The following KCNIP1 variants were observed in gnomAD, a reference collection of about 807,000 sequenced individuals.
The protein encoded by KCNIP1 is potassium voltage-gated channel interacting protein 1.
KCNIP1 carries 18 observed loss-of-function variants against 33.0 expected under a neutral mutation model. The observed-to-expected ratio is 0.55, with a 90% confidence interval of 0.38 to 0.81. KCNIP1 has a LOEUF of 0.81. Ranked by LOEUF, KCNIP1 falls within the 30% of genes least tolerant of loss-of-function variation. The pLI is 0.00. For missense variants in KCNIP1, 238 were observed against 271.6 expected, an observed-to-expected ratio of 0.88 and a Z score of 0.87; for synonymous variants, 93 against 98.3, an observed-to-expected ratio of 0.95 and a Z score of 0.32.
intron 1 of KCNIP1, among the ~76,000 whole-genome samples, chr5:170,481,797 A>C (rs1006963674): frequency 8.5e-5 from 13 of 152,188 alleles, no homozygotes; most frequent in Non-Finnish European, 1.9e-4. Flanking sequence ...GAATGACCCC[A>C]CCCATGCTTT....
intron 1 of KCNIP1, chr5:170,639,673 C>G (rs1760457691): frequency 6.6e-6 from 1 of 152,324 alleles, no homozygotes; most frequent in African/African-American, 2.4e-5. Context: ...TCCCACGTCC[C>G]CGTGGCCCTT....
chr5:170,476,576 C>G (rs539680265), intron 1 of KCNIP1, among the ~76,000 whole-genome samples: 1 of 152,204 alleles, frequency 6.6e-6, no homozygotes, highest in South Asian at 2.1e-4. Flanking sequence ...GACAATTTGT[C>G]TTGAATTTTG....
chr5:170,667,052 G>A (rs1441064896), intron 1 of KCNIP1, among the ~76,000 whole-genome samples: 1 of 152,152 alleles, frequency 6.6e-6, no homozygotes, highest in African/African-American at 2.4e-5. Context: ...GGTGGCTCAC[G>A]CCTATAATCC....
At chr5:170,355,842 T>C (rs995295912) in intron 1 of KCNIP1, among the ~76,000 whole-genome samples, 3 of 152,230 alleles carry the variant, frequency 2.0e-5, no homozygotes, top group Admixed American at 2.0e-4. Flanking sequence ...ACTGCTTCAG[T>C]ACAGCCTTTC....
intron 1 of KCNIP1, among the ~76,000 whole-genome samples, chr5:170,413,689 G>A (rs1755254676): frequency 6.6e-6 from 1 of 152,084 alleles, no homozygotes; most frequent in Admixed American, 6.5e-5. Flanking sequence ...TCTCCTGACT[G>A]CGTCCTTGGC....
At chr5:170,629,630 G>A (rs1759974263) in intron 1 of KCNIP1, among the ~76,000 whole-genome samples, 1 of 152,156 alleles carries the variant, frequency 6.6e-6, no homozygotes, top group Admixed American at 6.5e-5. Context: ...TCCCTCCCTA[G>A]AAAGTCTGCC....
chr5:170,667,559 C>A (rs1455504981), intron 1 of KCNIP1, among the ~76,000 whole-genome samples: 1 of 152,174 alleles, frequency 6.6e-6, no homozygotes, highest in Admixed American at 6.5e-5. Flanking sequence ...GAGAAGTTTC[C>A]TGGGGCTCTA....
intron 1 of KCNIP1, among the ~76,000 whole-genome samples, chr5:170,623,933 T>G (rs529718874): frequency 6.6e-6 from 1 of 152,264 alleles, no homozygotes; most frequent in East Asian, 1.9e-4. Context: ...AGGCCCAGCC[T>G]TCACTCCACG....
intron 1 of KCNIP1, among the ~76,000 whole-genome samples, chr5:170,446,500 T>C (rs908788898): frequency 1.3e-5 from 2 of 152,192 alleles, no homozygotes; most frequent in Non-Finnish European, 2.9e-5. Context: ...TCTTGCTCTG[T>C]TGCCCAGGCT....
chr5:170,461,532 CAA>C (rs1756500907), intron 1 of KCNIP1, among the ~76,000 whole-genome samples: 1 of 152,102 alleles, frequency 6.6e-6, no homozygotes, highest in African/African-American at 2.4e-5. Flanking sequence ...AGGCGGATCA[CAA>C]AGTCAGGAGA....
chr5:170,596,156 CA>C (rs1207611185), intron 1 of KCNIP1, among the ~76,000 whole-genome samples: 3 of 152,206 alleles, frequency 2.0e-5, no homozygotes, highest in Non-Finnish European at 2.9e-5. Context: ...CTCTTGTATT[CA>C]AGAAAGAGCC....
chr5:170,729,247 C>A (rs1159722420), intron 5 of KCNIP1, among the ~76,000 whole-genome samples: 1 of 151,942 alleles, frequency 6.6e-6, no homozygotes, highest in Non-Finnish European at 1.5e-5. Flanking sequence ...TTATTGATGG[C>A]TTTACACTGT....
intron 1 of KCNIP1, chr5:170,383,941 C>G: frequency 7.3e-7 from 1 of 1,372,786 alleles, no homozygotes; most frequent in Admixed American, 2.1e-5. Context: ...CTGGGAGCCT[C>G]TAGAGGGATC....
intron 1 of KCNIP1, among the ~76,000 whole-genome samples, chr5:170,664,418 C>T (rs1460559665): frequency 3.3e-5 from 5 of 152,178 alleles, no homozygotes; most frequent in African/African-American, 7.2e-5. Context: ...TGCAAGTGCT[C>T]ATCTCCCCAC....
At chr5:170,510,172 A>G (rs984392039) in intron 1 of KCNIP1, among the ~76,000 whole-genome samples, 1 of 152,204 alleles carries the variant, frequency 6.6e-6, no homozygotes, top group Non-Finnish European at 1.5e-5. Context: ...TTCTGTAGGC[A>G]GAGCACATCT....
intron 1 of KCNIP1, among the ~76,000 whole-genome samples, chr5:170,566,111 C>G (rs908791580): frequency 6.6e-6 from 1 of 152,150 alleles, no homozygotes; most frequent in East Asian, 1.9e-4. Flanking sequence ...TCACTGCAAC[C>G]TCTGCCTCCC....
At chr5:170,445,653 A>G (rs1327501590) in intron 1 of KCNIP1, among the ~76,000 whole-genome samples, 3 of 152,124 alleles carry the variant, frequency 2.0e-5, no homozygotes, top group Non-Finnish European at 2.9e-5. Flanking sequence ...CTGAGGAGAG[A>G]GCAGCTCGCC....
At chr5:170,666,137 G>C (rs914179711) in intron 1 of KCNIP1, among the ~76,000 whole-genome samples, 3 of 152,122 alleles carry the variant, frequency 2.0e-5, no homozygotes, top group Non-Finnish European at 2.9e-5. Flanking sequence ...TGAATTATTG[G>C]GAATTATTCT....
chr5:170,625,317 T>C (rs937153262), intron 1 of KCNIP1, among the ~76,000 whole-genome samples: 1 of 152,096 alleles, frequency 6.6e-6, no homozygotes, highest in African/African-American at 2.4e-5. Context: ...GTCTCTGTGT[T>C]CCCAGACAAC....
Sources: allele counts gnomAD v4.1 joint callset (sites outside exome capture counted in the v4.1 genomes callset), GRCh38; gene constraint gnomAD v4.1.1; transcripts MANE v1.5; gene names NCBI Gene and HGNC (gene_info 2026-07-23, HGNC 2026-07-21).